Variants in PTPRN2 observed in about 807,000 individuals in gnomAD.
PTPRN2 encodes the protein protein tyrosine phosphatase receptor type N2.
PTPRN2 carries 74 observed loss-of-function variants against 118.8 expected under a neutral mutation model. The observed-to-expected ratio is 0.62, with a 90% CI of 0.52 to 0.76. The LOEUF is 0.76. Among genes scored for constraint, PTPRN2 ranks in the 30% least tolerant of loss-of-function variants. The probability of loss-of-function intolerance (pLI) is 0.00; values close to 1 mark genes in which losing one functional copy is unlikely to be tolerated. For synonymous variants in PTPRN2, 641 were observed against 608.0 expected, an observed-to-expected ratio of 1.05 and a Z score of -0.80; for missense variants, 1,481 against 1,394.4, an observed-to-expected ratio of 1.06 and a Z score of -0.99.
intron 13 of PTPRN2, among the ~76,000 whole-genome samples, chr7:157,669,253 G>T (rs1796286731): frequency 6.6e-6 from 1 of 152,202 alleles, no homozygotes; most frequent in African/African-American, 2.4e-5. Flanking sequence ...CGGAGTCAGG[G>T]CCCCGGCAGC....
intron 12 of PTPRN2, among the ~76,000 whole-genome samples, chr7:157,871,957 C>T (rs1357285327): frequency 6.8e-6 from 1 of 146,258 alleles, no homozygotes; most frequent in African/African-American, 2.5e-5. Context: ...ACACACATAC[C>T]CAGCGCTTCC....
intron 21 of PTPRN2, among the ~76,000 whole-genome samples, chr7:157,555,077 G>A (rs749872796): frequency 2.0e-5 from 3 of 151,916 alleles, no homozygotes; most frequent in South Asian, 2.1e-4. Flanking sequence ...CACCTCTCTC[G>A]TGTTAGTGGA....
chr7:158,280,756 A>G (rs1327821328), intron 3 of PTPRN2, among the ~76,000 whole-genome samples: 2 of 152,206 alleles, frequency 1.3e-5, no homozygotes, highest in South Asian at 2.1e-4. Flanking sequence ...ATGTTGAACA[A>G]TGGAAGTGTT....
At chr7:158,016,032 C>A (rs1367535745) in intron 11 of PTPRN2, among the ~76,000 whole-genome samples, 1 of 152,178 alleles carries the variant, frequency 6.6e-6, no homozygotes, top group African/African-American at 2.4e-5. Context: ...ACGCACAGTG[C>A]ATGGCCTGAC....
rs10230394 is a variant in PTPRN2, at chr7:158,276,273, A to G, written c.277+40546T>C. ...GGTAGCACCCCCACACTCTGGCCCC[A>G]ACAGGCTGTAAGGCAGCACCCCCAC... is the stretch of plus-strand genomic sequence containing the variant. On this transcript the variant is annotated intron_variant, in intron 3 of 22. Coordinates refer to ENST00000389418, the MANE Select transcript of PTPRN2 (RefSeq NM_002847.5). Among the ~76,000 whole-genome samples the G allele has an allele frequency of 9.6e-3, 176 of 18,332 alleles. 7 individuals carry two copies. Among genetic ancestry groups the G allele is most frequent in the South Asian group, 0.055 (16 of 292 alleles). 12.0% of individuals were successfully genotyped at this position (18,332 alleles called of 152,430 possible). A position where few individuals can be genotyped will look rare whatever the true frequency, so the allele number is the denominator to read the frequency against.
At chr7:158,411,746 T>C (rs929825659) in intron 2 of PTPRN2, among the ~76,000 whole-genome samples, 1 of 152,196 alleles carries the variant, frequency 6.6e-6, no homozygotes, top group East Asian at 1.9e-4. Flanking sequence ...GAGCATGGTC[T>C]CAGGGGCCAG....
intron 11 of PTPRN2, among the ~76,000 whole-genome samples, chr7:157,941,505 T>A (rs867603837): frequency 6.5e-5 from 9 of 139,024 alleles, no homozygotes; most frequent in Admixed American, 2.9e-4. Context: ...CAAATCTAAC[T>A]CCCTCCCCCA....
At chr7:158,550,520 C>T (rs903967712) in intron 1 of PTPRN2, among the ~76,000 whole-genome samples, 11 of 152,362 alleles carry the variant, frequency 7.2e-5, no homozygotes, top group Admixed American at 2.6e-4. Flanking sequence ...CCACTCATGG[C>T]TGGCGTGGCC....
chr7:157,685,509 A>C (rs2150817990), intron 12 of PTPRN2, among the ~76,000 whole-genome samples: 1 of 152,122 alleles, frequency 6.6e-6, no homozygotes, highest in Non-Finnish European at 1.5e-5. Context: ...GAAGGGGCAC[A>C]GGCGCTGCCC....
chr7:158,359,389 A>G (rs1273335631), intron 2 of PTPRN2, among the ~76,000 whole-genome samples: 4 of 152,162 alleles, frequency 2.6e-5, no homozygotes, highest in Admixed American at 2.0e-4. Context: ...GGCGAGGCCA[A>G]CACACAGTCA....
chr7:158,285,402 CAGA>C (rs1799701829), intron 3 of PTPRN2, among the ~76,000 whole-genome samples: 1 of 152,198 alleles, frequency 6.6e-6, no homozygotes, highest in Non-Finnish European at 1.5e-5. Flanking sequence ...CCACTCTCCT[CAGA>C]AGGACAGGGA....
rs1447122770 is a variant in PTPRN2, at chr7:157,618,791, C to T, written c.2344+2571G>A. On this transcript the variant is annotated intron_variant, in intron 15 of 22. Transcript: ENST00000389418. This position sits in a 1 kb window ranked among gnomAD's most constrained non-coding sequence, Gnocchi z 4.2. ...AAAATATTTCTATCTAGGGTTCTCC[C>T]AGGAGGTGAACTTGCCGTTCTCTGT... The T allele has an allele frequency of 1.3e-5, 2 of 152,260 alleles. No homozygotes were observed. Among genetic ancestry groups the T allele is most frequent in the Non-Finnish European group, 2.9e-5 (2 of 68,074 alleles). The allele number at this position is 152,260 out of a possible 1,614,324, so 9.4% of individuals were successfully genotyped here. A position where few individuals can be genotyped will look rare whatever the true frequency, so the allele number is the denominator to read the frequency against.
At chr7:158,456,971 C>T (rs1818555923) in intron 2 of PTPRN2, among the ~76,000 whole-genome samples, 1 of 152,158 alleles carries the variant, frequency 6.6e-6, no homozygotes, top group Admixed American at 6.5e-5. Flanking sequence ...AGTATCACAC[C>T]AGCAACATTA....
chr7:158,217,348 T>C (rs1828025312), intron 3 of PTPRN2, among the ~76,000 whole-genome samples: 1 of 152,164 alleles, frequency 6.6e-6, no homozygotes, highest in African/African-American at 2.4e-5. Flanking sequence ...AGTTCCAAGC[T>C]GAACCTCGGC....
intron 11 of PTPRN2, among the ~76,000 whole-genome samples, chr7:157,923,351 A>T (rs1405373704): frequency 6.6e-6 from 1 of 152,220 alleles, no homozygotes; most frequent in African/African-American, 2.4e-5. Context: ...GCAAGAAGGC[A>T]GCCAGCCCCC....
At chr7:157,620,058 T>G (rs1803056939) in intron 15 of PTPRN2, among the ~76,000 whole-genome samples, 1 of 152,202 alleles carries the variant, frequency 6.6e-6, no homozygotes, top group South Asian at 2.1e-4. Context: ...GCAAGGGCCT[T>G]GTCTTAGGGT....
At chr7:158,014,719 AC>A (rs1014809437) in intron 11 of PTPRN2, among the ~76,000 whole-genome samples, 5 of 150,674 alleles carry the variant, frequency 3.3e-5, no homozygotes, top group African/African-American at 1.2e-4. Flanking sequence ...CCATCCATCC[AC>A]CCATCCGGCC....
intron 2 of PTPRN2, among the ~76,000 whole-genome samples, chr7:158,419,956 C>T (rs116573905): frequency 0.023 from 3,501 of 152,266 alleles, 114 homozygotes; most frequent in African/African-American, 0.079. Flanking sequence ...GCCTGAACCT[C>T]GGTGCCTGCA....
chr7:158,108,846 C>T (rs1457985587), intron 10 of PTPRN2, among the ~76,000 whole-genome samples: 1 of 152,264 alleles, frequency 6.6e-6, no homozygotes, highest in Non-Finnish European at 1.5e-5. Flanking sequence ...TGGTGCGAGG[C>T]CAGGTTGCCA....
Sources: allele counts gnomAD v4.1 joint callset (sites outside exome capture counted in the v4.1 genomes callset), GRCh38; gene constraint gnomAD v4.1.1; non-coding constraint Gnocchi (gnomAD v3.1); transcripts MANE v1.5; gene names NCBI Gene and HGNC (gene_info 2026-07-23, HGNC 2026-07-21).